Variants in MAP3K19 observed in about 807,000 individuals in gnomAD.
MAP3K19 encodes mitogen-activated protein kinase kinase kinase 19.
Under a neutral mutation model 114.4 loss-of-function variants are expected in MAP3K19, and 91 were observed. The ratio of observed to expected loss-of-function variants is 0.80; its 90% CI spans 0.67 to 0.95. The LOEUF (loss-of-function observed/expected upper bound fraction) is 0.95. Ranked by LOEUF, MAP3K19 falls within the 40% of genes least tolerant of loss-of-function variation. MAP3K19 has a pLI of 0.00. For missense variants in MAP3K19, 1,471 were observed against 1,573.2 expected (o/e 0.94, Z 1.10); for synonymous variants, 518 against 530.5 (o/e 0.98, Z 0.32).
intron 12 of MAP3K19, among the ~76,000 whole-genome samples, chr2:134,979,603 T>C (rs973182095): frequency 2.6e-5 from 4 of 151,544 alleles, no homozygotes; most frequent in Non-Finnish European, 4.4e-5. Flanking sequence ...AATATCAAAC[T>C]AGTACTTGTC....
intron 9 of MAP3K19, among the ~76,000 whole-genome samples, chr2:134,988,638 C>T (rs552778675): frequency 1.1e-4 from 17 of 152,298 alleles, no homozygotes; most frequent in African/African-American, 4.1e-4. Flanking sequence ...AATCCTCCCA[C>T]TTCTGCCTCC....
At chr2:135,007,482 A>T (rs1283069508) in intron 5 of MAP3K19, among the ~76,000 whole-genome samples, 1 of 152,102 alleles carries the variant, frequency 6.6e-6, no homozygotes, top group African/African-American at 2.4e-5. Context: ...TTATTACTAT[A>T]GTCACCCTGT....
intron 2 of MAP3K19, among the ~76,000 whole-genome samples, chr2:135,035,352 G>A (rs905317290): frequency 3.3e-5 from 5 of 152,204 alleles, no homozygotes; most frequent in African/African-American, 7.2e-5. Flanking sequence ...AGCTGTGATC[G>A]TGCTACTGCA....
chr2:135,026,659 A>G (rs764752602), intron 3 of MAP3K19, among the ~76,000 whole-genome samples: 30 of 152,190 alleles, frequency 2.0e-4, no homozygotes, highest in Middle Eastern at 3.2e-3. Context: ...AAAAAAGTGC[A>G]TTGTTTATCT....
chr2:135,003,050 CCTT>C (rs1686564229), intron 6 of MAP3K19, among the ~76,000 whole-genome samples: 1 of 152,162 alleles, frequency 6.6e-6, no homozygotes, highest in Non-Finnish European at 1.5e-5. Flanking sequence ...GGATTTGTGT[CCTT>C]CTAAGAAGAG....
At chr2:134,968,042 T>C (rs1382544881) in intron 12 of MAP3K19, among the ~76,000 whole-genome samples, 1 of 151,984 alleles carries the variant, frequency 6.6e-6, no homozygotes, top group Non-Finnish European at 1.5e-5. Context: ...GTACTTGAGA[T>C]TAGGGAATGG....
At chr2:134,997,474 A>T (rs1686081356) in intron 8 of MAP3K19, among the ~76,000 whole-genome samples, 1 of 152,200 alleles carries the variant, frequency 6.6e-6, no homozygotes, top group Non-Finnish European at 1.5e-5. Flanking sequence ...GTACACTTGA[A>T]AATGATTAAA....
At chr2:134,977,356 A>ATT (rs774277347) in intron 12 of MAP3K19, among the ~76,000 whole-genome samples, 2,391 of 86,676 alleles carry the variant, frequency 0.028, 69 homozygotes, top group Admixed American at 0.061. Flanking sequence ...TAATTTTTAA[A>ATT]TTTTTTTTTT....
Position 134,980,904 on chromosome 2 carries a change from G to A in MAP3K19, c.3837C>T (p.Ile1279=), listed in dbSNP as rs149473090. 1.6e-4 allele frequency: 261 copies of A among 1,614,214 alleles called. 1 individual carries two copies. Among genetic ancestry groups the A allele is most frequent in the African/African-American group, 2.8e-4 (21 of 75,048 alleles). The change falls in exon 12 of 13, where the codon ATC becomes ATT. Residue 1279 remains isoleucine (I), a synonymous_variant. Coordinates refer to ENST00000392915, the MANE Select transcript of MAP3K19 (RefSeq NM_025052.5). ...GAGGCATCAGCCCTCGGTGTGCTCC[G>A]ATGTAAAACATGGCGGCCATCCTGT... is the stretch of plus-strand genomic sequence containing the variant. ...SMDRMAAMFY[I]GAHRGLMPPL... is the part of the protein sequence containing the mutation.
chr2:135,002,491 T>C (rs1686513897), intron 6 of MAP3K19, among the ~76,000 whole-genome samples: 1 of 152,018 alleles, frequency 6.6e-6, no homozygotes, highest in African/African-American at 2.4e-5. Flanking sequence ...ATCAATGAGG[T>C]CCTTGTTCTA....
intron 12 of MAP3K19, among the ~76,000 whole-genome samples, chr2:134,977,674 T>A (rs1684341380): frequency 2.0e-5 from 3 of 152,118 alleles, no homozygotes; most frequent in African/African-American, 7.2e-5. Flanking sequence ...TTTTTAAATT[T>A]TTTGTAGAAA....
At chr2:135,026,033 T>C (rs1461801335) in intron 3 of MAP3K19, among the ~76,000 whole-genome samples, 2 of 152,236 alleles carry the variant, frequency 1.3e-5, no homozygotes, top group African/African-American at 4.8e-5. Context: ...TAATGTGTCA[T>C]GAGCCACAGT....
At chr2:135,018,915 T>C (rs918167969) in intron 5 of MAP3K19, among the ~76,000 whole-genome samples, 1 of 151,990 alleles carries the variant, frequency 6.6e-6, no homozygotes, top group Non-Finnish European at 1.5e-5. Flanking sequence ...TGAAACCCCA[T>C]CTCTACTAAA....
At chr2:135,023,509 A>G (rs559231723) in intron 4 of MAP3K19, 1 of 533,496 alleles carries the variant, frequency 1.9e-6, no homozygotes, top group African/African-American at 1.9e-5. Flanking sequence ...TTGCTACTTG[A>G]AAGTTCCAAT....
chr2:135,018,756 C>T (rs766393988), intron 5 of MAP3K19, among the ~76,000 whole-genome samples: 2 of 152,092 alleles, frequency 1.3e-5, no homozygotes, highest in Non-Finnish European at 2.9e-5. Flanking sequence ...GGCAAAAATA[C>T]GTACCTCGAC....
At chr2:135,024,343 A>ACTGTAAGTC (rs1553433368) in intron 4 of MAP3K19, among the ~76,000 whole-genome samples, 1 of 151,762 alleles carries the variant, frequency 6.6e-6, no homozygotes, top group Non-Finnish European at 1.5e-5. Context: ...TTCAAGAACC[A>ACTGTAAGTC]CTATAAGTCC....
At chr2:135,036,917 G>T (rs1347017112) in intron 2 of MAP3K19, among the ~76,000 whole-genome samples, 1 of 152,082 alleles carries the variant, frequency 6.6e-6, no homozygotes, top group African/African-American at 2.4e-5. Context: ...AGTTTCAATG[G>T]AGTAGTAGAG....
chr2:135,022,286 T>C (rs1025799787), intron 4 of MAP3K19, among the ~76,000 whole-genome samples: 23 of 152,026 alleles, frequency 1.5e-4, no homozygotes, highest in Admixed American at 1.2e-3. Flanking sequence ...AAACCCTCTG[T>C]AGGGTGCTGG....
At chr2:134,998,678 A>G (rs1686204189) in intron 8 of MAP3K19, 60 bp downstream of exon 8, 1 of 1,503,012 alleles carries the variant, frequency 6.7e-7, no homozygotes, top group African/African-American at 1.4e-5. Flanking sequence ...AGTGCCTGGC[A>G]CAATACATAA....
Sources: allele counts gnomAD v4.1 joint callset (sites outside exome capture counted in the v4.1 genomes callset), GRCh38; gene constraint gnomAD v4.1.1; transcripts MANE v1.5; gene names NCBI Gene and HGNC (gene_info 2026-07-23, HGNC 2026-07-21).